The following C3orf70 variants were observed in gnomAD, a reference collection of about 807,000 sequenced individuals.
C3orf70 encodes UPF0524 protein C3orf70.
Under a neutral mutation model 20.7 loss-of-function variants are expected in C3orf70, and 15 were observed. The ratio of observed to expected loss-of-function variants is 0.72; its 90% CI spans 0.48 to 1.11. The LOEUF (loss-of-function observed/expected upper bound fraction) is 1.11. Among genes scored for constraint, C3orf70 ranks in the 50% most tolerant of loss-of-function variants. The pLI, the probability that C3orf70 is intolerant of heterozygous loss-of-function variation, is 0.00. For missense variants in C3orf70, 332 were observed against 317.6 expected (o/e 1.05, Z -0.34); for synonymous variants, 161 against 125.7 (o/e 1.28, Z -1.88).
chr3:185,140,873 C>G (rs1716736324), intron 1 of C3orf70, among the ~76,000 whole-genome samples: 1 of 150,240 alleles, frequency 6.7e-6, no homozygotes, highest in Non-Finnish European at 1.5e-5. Flanking sequence ...GAGGCTGAGG[C>G]AGGAGAATCG....
intron 1 of C3orf70, among the ~76,000 whole-genome samples, chr3:185,100,483 T>G (rs1203575111): frequency 1.3e-5 from 2 of 152,146 alleles, no homozygotes; most frequent in African/African-American, 2.4e-5. Flanking sequence ...AAAAAGAAAT[T>G]CTTTGAAACC....
chr3:185,092,229 C>T (rs1284712261), intron 1 of C3orf70, among the ~76,000 whole-genome samples: 1 of 151,990 alleles, frequency 6.6e-6, no homozygotes, highest in Non-Finnish European at 1.5e-5. Flanking sequence ...AACTCAGTAT[C>T]TGGTGCACTG....
chr3:185,125,316 G>A (rs1716383834), intron 1 of C3orf70, among the ~76,000 whole-genome samples: 1 of 152,052 alleles, frequency 6.6e-6, no homozygotes, highest in South Asian at 2.1e-4. Flanking sequence ...GAAGGCAGAG[G>A]TTGCGGTGAG....
Position 185,079,590 on chromosome 3 carries a change from A to C in C3orf70, c.*3417T>G, listed in dbSNP as rs1367392669. 6.6e-6 allele frequency: 1 copy of C among 152,222 alleles called. No individual in the cohort carries two copies. Among genetic ancestry groups the C allele is most frequent in the Non-Finnish European group, 1.5e-5 (1 of 68,036 alleles). The allele number at this position is 152,222 out of a possible 1,614,324, so 9.4% of individuals were successfully genotyped here. ...TAACCACAAAAGCACTGTAATCATCATTTCTTGGAAAAGTTATAAGCATAT... is the reference window on the plus strand; with the variant it reads ...TAACCACAAAAGCACTGTAATCATCCTTTCTTGGAAAAGTTATAAGCATAT... On this transcript the variant is annotated 3_prime_UTR_variant, in exon 2 of 2. Coordinates refer to ENST00000335012, the MANE Select transcript of C3orf70 (RefSeq NM_001025266.3).
Position 185,087,029 on chromosome 3 carries a change from G to C in C3orf70, c.197-3466C>G, listed in dbSNP as rs373613932. ...CGAGAATCCATGTTCACATAGCTCC[G>C]AGGCACTGCAAGATCCTGAATTATC... On this transcript the variant is annotated intron_variant, in intron 1 of 1. Transcript: ENST00000335012. 5.9e-5 allele frequency among the ~76,000 whole-genome samples: 9 copies of C among 152,168 alleles called. No individual in the cohort carries two copies. The South Asian group carries it at 1.5e-3, about 25-fold the overall frequency.
At chr3:185,143,008 T>C (rs1255992825) in intron 1 of C3orf70, among the ~76,000 whole-genome samples, 1 of 152,214 alleles carries the variant, frequency 6.6e-6, no homozygotes, top group Non-Finnish European at 1.5e-5. Flanking sequence ...AAATGCGATA[T>C]ATGAATCTTG....
intron 1 of C3orf70, among the ~76,000 whole-genome samples, chr3:185,123,542 G>A (rs376031868): frequency 3.5e-5 from 5 of 144,672 alleles, no homozygotes; most frequent in South Asian, 2.2e-4. Flanking sequence ...GTCTCACTAC[G>A]TTGTCAAGAC....
At chr3:185,087,861 T>C (rs78661469) in intron 1 of C3orf70, among the ~76,000 whole-genome samples, 3,651 of 152,180 alleles carry the variant, frequency 0.024, 120 homozygotes, top group African/African-American at 0.083. Context: ...TGAGGTAAAC[T>C]GCATGCATAG....
intron 1 of C3orf70, among the ~76,000 whole-genome samples, chr3:185,127,396 G>C (rs1561357647): frequency 6.6e-6 from 1 of 152,106 alleles, no homozygotes; most frequent in East Asian, 1.9e-4. Context: ...GTATAGATTA[G>C]CTTGAAGAAA....
At chr3:185,113,547 C>T (rs1401244677) in intron 1 of C3orf70, among the ~76,000 whole-genome samples, 1 of 152,098 alleles carries the variant, frequency 6.6e-6, no homozygotes, top group Non-Finnish European at 1.5e-5. Flanking sequence ...ATAGAAGGAC[C>T]TATAAATAAC....
chr3:185,097,389 T>C (rs1715730896), intron 1 of C3orf70, among the ~76,000 whole-genome samples: 1 of 152,208 alleles, frequency 6.6e-6, no homozygotes, highest in Non-Finnish European at 1.5e-5. Context: ...GAATATTCTA[T>C]CTCAATAATA....
At chr3:185,124,466 C>A (rs1236722966) in intron 1 of C3orf70, among the ~76,000 whole-genome samples, 1 of 152,118 alleles carries the variant, frequency 6.6e-6, no homozygotes, top group Non-Finnish European at 1.5e-5. Context: ...GTAATTAGGA[C>A]AATGTGGCAC....
At chr3:185,094,998 G>A (rs551545916) in intron 1 of C3orf70, among the ~76,000 whole-genome samples, 2 of 152,322 alleles carry the variant, frequency 1.3e-5, no homozygotes, top group East Asian at 1.9e-4. Flanking sequence ...GTGATGCGGG[G>A]AAAGAGGCAT....
intron 1 of C3orf70, among the ~76,000 whole-genome samples, chr3:185,141,492 C>T (rs931440035): frequency 2.0e-5 from 3 of 152,018 alleles, no homozygotes; most frequent in Admixed American, 6.5e-5. Flanking sequence ...TTTATAATAA[C>T]TAAAAACTGA....
chr3:185,125,101 C>T lies in C3orf70; in HGVS notation c.196+27527G>A, dbSNP rs572759244. On this transcript the variant is annotated intron_variant, in intron 1 of 1. Transcript: ENST00000335012. ...CCACCACTTTGAAAAACAGTTTGGC[C>T]GGGCGCAGTGGCTCACGCCTGCAAT... Among the ~76,000 whole-genome samples, 27 of 152,182 alleles carry T rather than the reference C, an allele frequency of 1.8e-4. No homozygotes were observed. The South Asian group carries it at 4.0e-3, about 22-fold the overall frequency.
intron 1 of C3orf70, among the ~76,000 whole-genome samples, chr3:185,137,947 A>G (rs985289072): frequency 6.6e-6 from 1 of 152,214 alleles, no homozygotes; most frequent in Non-Finnish European, 1.5e-5. Context: ...AAGAAAATCA[A>G]TGAAACAAAG....
At chr3:185,137,337 T>C (rs1362188508) in intron 1 of C3orf70, among the ~76,000 whole-genome samples, 1 of 152,226 alleles carries the variant, frequency 6.6e-6, no homozygotes, top group Non-Finnish European at 1.5e-5. Flanking sequence ...TGTGTCTTTA[T>C]CAGCTGCGTG....
chr3:185,134,608 T>C (rs62289824), intron 1 of C3orf70, among the ~76,000 whole-genome samples: 2 of 152,124 alleles, frequency 1.3e-5, no homozygotes, highest in Non-Finnish European at 2.9e-5. Context: ...CTCTAGCCAA[T>C]GGACCAGGGA....
chr3:185,143,981 A>AACAC lies in C3orf70; in HGVS notation c.196+8643_196+8646dup, dbSNP rs34762767. ...GAGCAAAATGTAAGATTCTATGGTA[A>AACAC]ACACACACACACACACACACACACA... On this transcript the variant is annotated intron_variant, in intron 1 of 1. Transcript: ENST00000335012. Among the ~76,000 whole-genome samples the AACAC allele has an allele frequency of 6.4e-3, 958 of 148,936 alleles. 3 individuals carry two copies. The highest frequency in any genetic ancestry group is 7.4e-3 in the Non-Finnish European group (497 of 67,022).
Sources: gnomAD v4.1 joint callset for allele counts (sites outside exome capture counted in the v4.1 genomes callset) on GRCh38, gnomAD v4.1.1 for gene constraint, MANE v1.5 for transcripts, NCBI Gene and HGNC (gene_info 2026-07-23, HGNC 2026-07-21) for gene names.